ERBB4: variants seen among roughly 807,000 people sequenced by gnomAD.
ERBB4 encodes receptor tyrosine-protein kinase erbB-4.
In ERBB4, 42 loss-of-function variants were observed where a neutral mutation model predicts 158.0. That is an observed-to-expected ratio of 0.27 (90% CI 0.21 to 0.34). The LOEUF (loss-of-function observed/expected upper bound fraction) is 0.34, where lower values mean the gene tolerates loss of function less well. Ranked by LOEUF, ERBB4 falls within the 10% of genes least tolerant of loss-of-function variation. ERBB4 has a pLI of 1.00. For synonymous variants in ERBB4, 583 were observed against 558.7 expected, an observed-to-expected ratio of 1.04 and a Z score of -0.61; for missense variants, 1,333 against 1,624.1, an observed-to-expected ratio of 0.82 and a Z score of 3.08.
chr2:212,188,165 T>C (rs1223826182), intron 1 of ERBB4, among the ~76,000 whole-genome samples: 1 of 144,076 alleles, frequency 6.9e-6, no homozygotes, highest in Non-Finnish European at 1.5e-5. Context: ...CTGTCAGATC[T>C]CCCTTATAAT....
At chr2:212,244,567 C>T (rs989921006) in intron 1 of ERBB4, among the ~76,000 whole-genome samples, 6 of 152,120 alleles carry the variant, frequency 3.9e-5, no homozygotes, top group Non-Finnish European at 7.4e-5. Context: ...TAAAGAGAGA[C>T]GTCTAGGAGA....
chr2:211,775,617 C>T (rs571001906), intron 4 of ERBB4, among the ~76,000 whole-genome samples: 1 of 152,292 alleles, frequency 6.6e-6, no homozygotes, highest in Admixed American at 6.5e-5. Context: ...TTCCAATATG[C>T]TTACCATGTT....
chr2:211,473,689 C>T (rs2064885787), intron 20 of ERBB4, among the ~76,000 whole-genome samples: 1 of 151,926 alleles, frequency 6.6e-6, no homozygotes, highest in African/African-American at 2.4e-5. Context: ...ATGTTTACAG[C>T]CTGGACTAGG....
intron 1 of ERBB4, among the ~76,000 whole-genome samples, chr2:212,181,834 T>C (rs767492924): frequency 6.6e-6 from 1 of 151,764 alleles, no homozygotes. Context: ...ACCTAATCAG[T>C]TTGTTCTTCA....
At chr2:211,424,477 T>A (rs537474143) in intron 22 of ERBB4, among the ~76,000 whole-genome samples, 176 bp from the exon 23 acceptor site, 1 of 151,846 alleles carries the variant, frequency 6.6e-6, no homozygotes, top group Admixed American at 6.6e-5. Context: ...TGTCAAAATC[T>A]TTGTGGGGGA....
chr2:212,505,455 ATATGTGT>A (rs1691139959), intron 1 of ERBB4, among the ~76,000 whole-genome samples: 1 of 149,708 alleles, frequency 6.7e-6, no homozygotes. Context: ...CAATGAGGTC[ATATGTGT>A]AAAAACTCTT....
chr2:212,481,400 C>A (rs555436264), intron 1 of ERBB4, among the ~76,000 whole-genome samples: 1 of 152,104 alleles, frequency 6.6e-6, no homozygotes, highest in Non-Finnish European at 1.5e-5. Flanking sequence ...AGGATAAATT[C>A]TAAACAGAAA....
intron 1 of ERBB4, among the ~76,000 whole-genome samples, chr2:212,378,791 A>G (rs1464556465): frequency 6.6e-6 from 1 of 151,838 alleles, no homozygotes; most frequent in African/African-American, 2.4e-5. Flanking sequence ...TGCATTACCA[A>G]TGTTCGAGTT....
At chr2:211,838,429 A>G (rs1420715766) in intron 3 of ERBB4, among the ~76,000 whole-genome samples, 1 of 152,144 alleles carries the variant, frequency 6.6e-6, no homozygotes, top group Non-Finnish European at 1.5e-5. Context: ...TACCTTTAAA[A>G]TGCAGAATAT....
intron 2 of ERBB4, among the ~76,000 whole-genome samples, chr2:212,016,279 G>A (rs2076528153): frequency 6.6e-6 from 1 of 151,860 alleles, no homozygotes; most frequent in Admixed American, 6.6e-5. Context: ...TAAGCAGTGG[G>A]AAGCAGACCT....
chr2:212,218,421 G>T (rs1370622167), intron 1 of ERBB4, among the ~76,000 whole-genome samples: 5 of 151,264 alleles, frequency 3.3e-5, no homozygotes, highest in Non-Finnish European at 7.4e-5. Flanking sequence ...CTGTCTGTTT[G>T]TTTGTGTGTT....
At chr2:212,123,957 A>G (rs902465173) in intron 2 of ERBB4, among the ~76,000 whole-genome samples, 1 of 152,212 alleles carries the variant, frequency 6.6e-6, no homozygotes, top group Non-Finnish European at 1.5e-5. Flanking sequence ...TTTAAAATGT[A>G]TATTAGTAAT....
chr2:212,271,787 G>A (rs1377365095), intron 1 of ERBB4, among the ~76,000 whole-genome samples: 2 of 151,684 alleles, frequency 1.3e-5, no homozygotes, highest in South Asian at 2.1e-4. Flanking sequence ...AATACCCCAG[G>A]AAGTTTAAGG....
At chr2:211,993,135 TA>T (rs1307712990) in intron 2 of ERBB4, among the ~76,000 whole-genome samples, 1 of 152,180 alleles carries the variant, frequency 6.6e-6, no homozygotes, top group Non-Finnish European at 1.5e-5. Flanking sequence ...CAGTACCTTA[TA>T]TTGAAGACTC....
chr2:211,958,816 T>C (rs1386849628), intron 2 of ERBB4, among the ~76,000 whole-genome samples: 2 of 152,090 alleles, frequency 1.3e-5, no homozygotes, highest in African/African-American at 4.8e-5. Context: ...GAGTAATTTC[T>C]CAAAAGTAAC....
chr2:212,034,428 A>C (rs2076969129), intron 2 of ERBB4, among the ~76,000 whole-genome samples: 1 of 152,102 alleles, frequency 6.6e-6, no homozygotes, highest in Non-Finnish European at 1.5e-5. Context: ...AGGATTAAAA[A>C]GGAATAGTGG....
intron 1 of ERBB4, among the ~76,000 whole-genome samples, chr2:212,482,678 G>T (rs1689763263): frequency 6.6e-6 from 1 of 152,296 alleles, no homozygotes; most frequent in Non-Finnish European, 1.5e-5. Flanking sequence ...GTGCAGTGGT[G>T]CTATCTCAGC....
intron 1 of ERBB4, among the ~76,000 whole-genome samples, chr2:212,132,364 C>T (rs553490328): frequency 1.2e-4 from 18 of 152,214 alleles, no homozygotes; most frequent in African/African-American, 4.1e-4. Flanking sequence ...ACAGCATGCC[C>T]AGAATGCTGG....
intron 20 of ERBB4, among the ~76,000 whole-genome samples, chr2:211,494,853 G>A (rs1329006097): frequency 6.6e-6 from 1 of 152,008 alleles, no homozygotes; most frequent in African/African-American, 2.4e-5. Context: ...GCACCTCCTT[G>A]GGAATTGTTT....
Sources: allele counts gnomAD v4.1 joint callset (sites outside exome capture counted in the v4.1 genomes callset), GRCh38; gene constraint gnomAD v4.1.1; transcripts MANE v1.5; gene names NCBI Gene and HGNC (gene_info 2026-07-23, HGNC 2026-07-21).